Variants in ERC1 observed in about 807,000 individuals in gnomAD.
ERC1 encodes RAB6 interacting protein 2.
In ERC1, 56 loss-of-function variants were observed where a neutral mutation model predicts 132.0. That is an observed-to-expected ratio of 0.42 (90% CI 0.34 to 0.53). The LOEUF (loss-of-function observed/expected upper bound fraction) is 0.53, where lower values mean the gene tolerates loss of function less well. ERC1 is among the 20% of genes least tolerant of loss of function. The pLI, the probability that ERC1 is intolerant of heterozygous loss-of-function variation, is 0.03. For synonymous variants in ERC1, 478 were observed against 476.1 expected (o/e 1.00, Z -0.05); for missense variants, 1,202 against 1,349.9 (o/e 0.89, Z 1.72).
intron 2 of ERC1, among the ~76,000 whole-genome samples, chr12:1,056,303 G>C (rs116074389): frequency 6.6e-6 from 1 of 152,090 alleles, no homozygotes; most frequent in African/African-American, 2.4e-5. Context: ...AAGAAGTGTC[G>C]TTGTCTGTCA....
In ERC1 at chr12:1,394,046, C is replaced by CAAAAAAAAAAAAAA. The variant is rs1555389413; in HGVS notation, c.2926-14102_2926-14101insAAAAAAAAAAAAAA. Among the ~76,000 whole-genome samples, 9 of 70,810 alleles carry CAAAAAAAAAAAAAA rather than the reference C, an allele frequency of 1.3e-4. 1 individual carries two copies. The highest frequency in any genetic ancestry group is 4.0e-4 in the African/African-American group (8 of 19,982). The allele number at this position is 70,810 out of a possible 152,430, so 46.5% of individuals were successfully genotyped here. A position where few individuals can be genotyped will look rare whatever the true frequency, so the allele number is the denominator to read the frequency against. ...AAAAAAAAAAAAACAAAAAAAAAACCACAAAGCATTAAGCAATTTAATTTC... is the reference window on the plus strand; with the variant it reads ...AAAAAAAAAAAAACAAAAAAAAAACCAAAAAAAAAAAAAAACAAAGCATTAAGCAATTTAATTTC... On this transcript the variant is annotated intron_variant, in intron 16 of 18. Transcript: ENST00000360905.
At chr12:1,201,003 C>T (rs576403564) in intron 12 of ERC1, among the ~76,000 whole-genome samples, 97 of 152,162 alleles carry the variant, frequency 6.4e-4, no homozygotes, top group African/African-American at 2.2e-3. Context: ...TACACATGTA[C>T]ATGTTTATAT....
At chr12:1,137,087 CT>C (rs1566056324) in intron 7 of ERC1, among the ~76,000 whole-genome samples, 1 of 143,004 alleles carries the variant, frequency 7.0e-6, no homozygotes, top group Non-Finnish European at 1.5e-5. Context: ...CTTTTTCTTT[CT>C]TTTTTTCTTT....
intron 8 of ERC1, among the ~76,000 whole-genome samples, chr12:1,158,008 AG>A (rs1951559194): frequency 6.6e-6 from 1 of 152,236 alleles, no homozygotes; most frequent in Admixed American, 6.5e-5. Context: ...GTGGACATAT[AG>A]CAAAATTAAA....
chr12:1,061,571 C>T (rs961674532), intron 2 of ERC1, among the ~76,000 whole-genome samples: 2 of 152,078 alleles, frequency 1.3e-5, no homozygotes, highest in African/African-American at 4.8e-5. Flanking sequence ...CCACTGCACT[C>T]CAGCCGGGGT....
At chr12:1,315,834 T>C (rs907547239) in intron 15 of ERC1, among the ~76,000 whole-genome samples, 3 of 152,194 alleles carry the variant, frequency 2.0e-5, no homozygotes, top group Non-Finnish European at 2.9e-5. Context: ...TTCATCACTT[T>C]ACAAAACTGA....
At chr12:1,403,603 A>G (rs539669491) in intron 16 of ERC1, among the ~76,000 whole-genome samples, 1 of 152,120 alleles carries the variant, frequency 6.6e-6, no homozygotes, top group African/African-American at 2.4e-5. Flanking sequence ...AGTTCTTACA[A>G]CTGTTTTTTT....
chr12:1,236,872 G>A lies in ERC1; in HGVS notation c.2455G>A (p.Asp819Asn). Residue 819 changes from aspartate to asparagine, a missense_variant, in exon 13 of 19, where the codon GAC (aspartate) becomes AAC (asparagine). By Grantham distance (23) the Asp-to-Asn change is conservative (BLOSUM62 1). Coordinates refer to ENST00000360905, the MANE Select transcript of ERC1 (RefSeq NM_178040.4). ...GTTAGAGGAGGCGCGACGACGGGAG[G>A]ACAATCTCAACGACAGCTCTCAGCA... is the stretch of plus-strand genomic sequence containing the variant. ...QMLEEARRREDNLNDSSQQLQ... is the reference protein window; with the variant it reads ...QMLEEARRRENNLNDSSQQLQ... 6.2e-7 allele frequency: 1 copy of A among 1,614,124 alleles called. No individual in the cohort carries two copies. The highest frequency in any genetic ancestry group is 8.5e-7 in the Non-Finnish European group (1 of 1,179,980).
At chr12:1,029,389 C>G (rs1190667214) in intron 2 of ERC1, among the ~76,000 whole-genome samples, 1 of 152,128 alleles carries the variant, frequency 6.6e-6, no homozygotes, top group Non-Finnish European at 1.5e-5. Context: ...TTATTAAGTA[C>G]AAACAATAAG....
At chr12:1,325,754 G>A (rs921891598) in intron 15 of ERC1, among the ~76,000 whole-genome samples, 1 of 152,000 alleles carries the variant, frequency 6.6e-6, no homozygotes, top group Non-Finnish European at 1.5e-5. Flanking sequence ...AGTAATCTAA[G>A]GACTATAGTT....
At chr12:1,153,954 T>G (rs565856721) in intron 8 of ERC1, among the ~76,000 whole-genome samples, 15 of 152,286 alleles carry the variant, frequency 9.8e-5, no homozygotes, top group African/African-American at 3.6e-4. Context: ...TAATGTACAT[T>G]GTATTCAATA....
chr12:1,014,764 T>G (rs530436793), intron 1 of ERC1, among the ~76,000 whole-genome samples: 1 of 152,250 alleles, frequency 6.6e-6, no homozygotes. Context: ...TTTTTGTTTT[T>G]GTTTCTTTTT....
intron 15 of ERC1, among the ~76,000 whole-genome samples, chr12:1,298,890 T>C (rs1213438886): frequency 6.6e-6 from 1 of 152,030 alleles, no homozygotes; most frequent in African/African-American, 2.4e-5. Flanking sequence ...AAACCTGGCA[T>C]AGCTATATTA....
chr12:1,199,626 A>G (rs888013615), intron 12 of ERC1, among the ~76,000 whole-genome samples: 1 of 151,932 alleles, frequency 6.6e-6, no homozygotes, highest in Non-Finnish European at 1.5e-5. Flanking sequence ...AGGAAAAAAA[A>G]AATTAGCCGG....
chr12:1,257,722 A>G (rs911558602), intron 13 of ERC1, among the ~76,000 whole-genome samples: 4 of 152,174 alleles, frequency 2.6e-5, no homozygotes, highest in East Asian at 1.9e-4. Flanking sequence ...TTTATTTCCT[A>G]TGTAAAAAAC....
chr12:1,038,497 A>T (rs1969544959), intron 2 of ERC1, among the ~76,000 whole-genome samples: 1 of 151,910 alleles, frequency 6.6e-6, no homozygotes, highest in Non-Finnish European at 1.5e-5. Flanking sequence ...AGCAGCTGGG[A>T]TTACAGGCAC....
chr12:1,182,050 C>G lies in ERC1; in HGVS notation c.2001C>G (p.Asp667Glu). Residue 667 changes from aspartate to glutamate, a missense_variant, in exon 10 of 19, where the codon GAC (aspartate) becomes GAG (glutamate). Physicochemically the swap from Asp to Glu is conservative, Grantham distance 45. Transcript: ENST00000360905. ...AAAAAGTCAGCCTGTTGCAAGGCGA[C>G]CTTTCAGAGAAAGAGGTTAAGCTCC... ...LKEKVSLLQGDLSEKEASLLD... is the reference protein window; with the variant it reads ...LKEKVSLLQGELSEKEASLLD... 1 of 1,613,782 alleles carries G rather than the reference C, an allele frequency of 6.2e-7. No individual in the cohort carries two copies. The highest frequency in any genetic ancestry group is 8.5e-7 in the Non-Finnish European group (1 of 1,179,852).
chr12:1,138,879 G>A (rs1949607786), intron 7 of ERC1, among the ~76,000 whole-genome samples: 1 of 152,126 alleles, frequency 6.6e-6, no homozygotes, highest in Admixed American at 6.6e-5. Context: ...TGTGGGGTCT[G>A]GAGGCAAGAC....
chr12:1,010,470 ACT>A (rs1271015898), intron 1 of ERC1, among the ~76,000 whole-genome samples: 1 of 135,764 alleles, frequency 7.4e-6, no homozygotes, highest in African/African-American at 2.8e-5. Flanking sequence ...ACAGAGGAAG[ACT>A]CTGTCTCCAA....
Sources: gnomAD v4.1 joint callset for allele counts (sites outside exome capture counted in the v4.1 genomes callset) on GRCh38, gnomAD v4.1.1 for gene constraint, MANE v1.5 for transcripts, NCBI Gene and HGNC (gene_info 2026-07-23, HGNC 2026-07-21) for gene names.